Variants in EBF1 observed in about 807,000 individuals in gnomAD.
EBF1 encodes EBF transcription factor 1.
In EBF1, 10 loss-of-function variants were observed where a neutral mutation model predicts 68.4. That is an observed-to-expected ratio of 0.15 (90% CI 0.09 to 0.25). The LOEUF is 0.25. EBF1 is among the 10% of genes least tolerant of loss of function. EBF1 has a pLI of 1.00. For synonymous variants in EBF1, 298 were observed against 299.8 expected (o/e 0.99, Z 0.06); for missense variants, 509 against 794.4 (o/e 0.64, Z 4.32).
intron 11 of EBF1, among the ~76,000 whole-genome samples, chr5:158,730,376 A>C (rs1208930722): frequency 6.6e-6 from 1 of 152,178 alleles, no homozygotes; most frequent in Non-Finnish European, 1.5e-5. Context: ...AGGGATGGGG[A>C]TATCCCAAAC....
At chr5:159,020,262 G>T (rs531035289) in intron 6 of EBF1, among the ~76,000 whole-genome samples, 1 of 152,110 alleles carries the variant, frequency 6.6e-6, no homozygotes, top group African/African-American at 2.4e-5. Context: ...TGAGTTCCTT[G>T]AATTCGGTGC....
intron 6 of EBF1, among the ~76,000 whole-genome samples, chr5:159,015,799 C>T (rs140343821): frequency 6.3e-4 from 96 of 152,292 alleles, no homozygotes; most frequent in African/African-American, 2.2e-3. Context: ...CACATTTAAA[C>T]GAGTTCCATT....
intron 4 of EBF1, among the ~76,000 whole-genome samples, chr5:159,093,886 C>A (rs1472628100): frequency 2.0e-5 from 3 of 151,876 alleles, no homozygotes. Context: ...CACAAGCAGA[C>A]AGGCCTTATG....
At chr5:159,079,912 A>G (rs1779458423) in intron 5 of EBF1, among the ~76,000 whole-genome samples, 1 of 150,866 alleles carries the variant, frequency 6.6e-6, no homozygotes, top group Non-Finnish European at 1.5e-5. Flanking sequence ...ACCGTACCTG[A>G]CCTCCTCCTT....
At chr5:158,966,562 T>C (rs1201541749) in intron 6 of EBF1, among the ~76,000 whole-genome samples, 1 of 152,106 alleles carries the variant, frequency 6.6e-6, no homozygotes, top group Non-Finnish European at 1.5e-5. Context: ...TGGCGATAAA[T>C]GATTCACCCC....
At chr5:159,087,459 C>G (rs1203518041) in intron 4 of EBF1, among the ~76,000 whole-genome samples, 1 of 150,246 alleles carries the variant, frequency 6.7e-6, no homozygotes, top group Non-Finnish European at 1.5e-5. Context: ...TATACACACA[C>G]ACACATATAT....
At chr5:158,803,515 C>T (rs1250651326) in intron 8 of EBF1, among the ~76,000 whole-genome samples, 1 of 151,986 alleles carries the variant, frequency 6.6e-6, no homozygotes, top group South Asian at 2.1e-4. Flanking sequence ...TGTATTTTCA[C>T]CATGCACAGG....
intron 6 of EBF1, chr5:158,983,137 T>C (rs1266085950): frequency 1.3e-5 from 2 of 152,194 alleles, no homozygotes; most frequent in African/African-American, 4.8e-5. Flanking sequence ...ATTACTGTGA[T>C]GGCCCAGAAG....
intron 6 of EBF1, among the ~76,000 whole-genome samples, chr5:159,004,414 G>A (rs1416248535): frequency 5.3e-5 from 8 of 152,092 alleles, no homozygotes; most frequent in Admixed American, 3.9e-4. Context: ...GTCCAGGGAG[G>A]CTACAGGACT....
chr5:159,073,667 A>G, intron 5 of EBF1: 1 of 567,148 alleles, frequency 1.8e-6, no homozygotes, highest in Non-Finnish European at 3.1e-6. Context: ...CCCTGCTCAA[A>G]GAAGGAGGTG....
chr5:158,883,149 G>A (rs1464011594), intron 6 of EBF1, among the ~76,000 whole-genome samples: 8 of 151,756 alleles, frequency 5.3e-5, no homozygotes, highest in African/African-American at 1.7e-4. Flanking sequence ...CCAGAGAGAG[G>A]TACATTCATT....
chr5:159,019,954 T>TA (rs1212213989), intron 6 of EBF1, among the ~76,000 whole-genome samples: 1 of 152,072 alleles, frequency 6.6e-6, no homozygotes, highest in East Asian at 1.9e-4. Context: ...AAGCTAAGGA[T>TA]AAAAAAGAAC....
At chr5:158,917,513 G>A (rs2127390524) in intron 6 of EBF1, among the ~76,000 whole-genome samples, 1 of 152,332 alleles carries the variant, frequency 6.6e-6, no homozygotes, top group East Asian at 1.9e-4. Flanking sequence ...CAAGGGTCAT[G>A]TGCAAACCAC....
intron 6 of EBF1, among the ~76,000 whole-genome samples, chr5:159,048,033 T>C (rs1430307646): frequency 2.0e-5 from 3 of 152,198 alleles, no homozygotes; most frequent in Non-Finnish European, 4.4e-5. Context: ...ATTTTCCACA[T>C]GCTCCATGTG....
chr5:159,057,588 CAG>C lies in EBF1; in HGVS notation c.554+15806_554+15807del, dbSNP rs983771786. On this transcript the variant is annotated intron_variant, in intron 6 of 15. Coordinates refer to ENST00000313708, the MANE Select transcript of EBF1 (RefSeq NM_024007.5). ...AGAGCAGAGCAGGACCCAGATGGCC[CAG>C]AGTAGTAGTAGAAAAGCCACTGGAA... Among the ~76,000 whole-genome samples, 19 of 152,228 alleles carry C rather than the reference CAG, an allele frequency of 1.2e-4. No homozygotes were observed. The South Asian group carries it at 3.7e-3, about 30-fold the overall frequency.
chr5:158,717,307 T>C (rs980694016), intron 11 of EBF1, among the ~76,000 whole-genome samples: 15 of 152,206 alleles, frequency 9.9e-5, no homozygotes, highest in African/African-American at 3.6e-4. Flanking sequence ...TGATTGAGCC[T>C]TGGATGTTAA....
intron 6 of EBF1, among the ~76,000 whole-genome samples, chr5:158,909,956 TAAAAAAAAAAAAA>T (rs59274919): frequency 0.017 from 809 of 46,754 alleles, 13 homozygotes; most frequent in African/African-American, 0.056. Flanking sequence ...ACTCTGTCTA[TAAAAAAAAAAAAA>T]AAAAAAAAAA....
At chr5:158,986,456 G>C (rs1284776885) in intron 6 of EBF1, 1 of 152,216 alleles carries the variant, frequency 6.6e-6, no homozygotes, top group Non-Finnish European at 1.5e-5. Context: ...TGCATCCCCA[G>C]GTAAAGAGAG....
chr5:159,011,385 T>C (rs1455105030), intron 6 of EBF1, among the ~76,000 whole-genome samples: 1 of 152,208 alleles, frequency 6.6e-6, no homozygotes, highest in African/African-American at 2.4e-5. Flanking sequence ...TGAGAGTATA[T>C]TTTTGTTAGC....
Sources: allele counts gnomAD v4.1 joint callset (sites outside exome capture counted in the v4.1 genomes callset), GRCh38; gene constraint gnomAD v4.1.1; transcripts MANE v1.5; gene names NCBI Gene and HGNC (gene_info 2026-07-23, HGNC 2026-07-21).